Variants in LARP1 observed in about 807,000 individuals in gnomAD.
LARP1 encodes la-related protein 1.
A neutral mutation model predicts 122.7 loss-of-function variants in LARP1; 36 were observed. The observed-to-expected ratio is 0.29, with a 90% CI of 0.22 to 0.39. The LOEUF is 0.39. Among genes scored for constraint, LARP1 ranks in the 10% least tolerant of loss-of-function variants. The pLI is 1.00. For missense variants in LARP1, 1,040 were observed against 1,403.6 expected (o/e 0.74, Z 4.14); for synonymous variants, 539 against 528.7 (o/e 1.02, Z -0.27).
At chr5:154,686,695 ACTGTCCCTTT>A (rs1037093912) in intron 1 of LARP1, among the ~76,000 whole-genome samples, 2 of 152,106 alleles carry the variant, frequency 1.3e-5, no homozygotes, top group African/African-American at 2.4e-5. Context: ...TTCACTCATT[ACTGTCCCTTT>A]CTGGCTTTGG....
chr5:154,754,986 C>T (rs1753715200), upstream of LARP1, among the ~76,000 whole-genome samples: 1 of 152,178 alleles, frequency 6.6e-6, no homozygotes, highest in African/African-American at 2.4e-5. Flanking sequence ...GTCCCATGTG[C>T]TCCACCTGAG....
chr5:154,761,000 C>T (rs906316311), intron 1 of LARP1, among the ~76,000 whole-genome samples: 2 of 152,168 alleles, frequency 1.3e-5, no homozygotes, highest in African/African-American at 4.8e-5. Context: ...ATTGTGCACC[C>T]CCACCTAAGA....
At chr5:154,812,355 A>G (rs1416803673) in intron 18 of LARP1, among the ~76,000 whole-genome samples, 1 of 152,162 alleles carries the variant, frequency 6.6e-6, no homozygotes, top group African/African-American at 2.4e-5. Context: ...GAGACTGGGT[A>G]ATTTATAAAG....
chr5:154,729,447 T>C lies in LARP1; in HGVS notation c.205+16317T>C, dbSNP rs1467618844. ...TTACCTAGCATGCTATTGGCCTTGT[T>C]GTAAACAAACAAGAGCAAGATTCTT... On this transcript the variant is annotated intron_variant, in intron 1 of 18. Transcript: ENST00000336314. 4 of 390,080 alleles carry C rather than the reference T, an allele frequency of 1.0e-5. No individual in the cohort carries two copies. In the Admixed American group the frequency reaches 1.2e-4, roughly 12 times the overall value. The allele number at this position is 390,080 out of a possible 1,614,324, so 24.2% of individuals were successfully genotyped here. A position where few individuals can be genotyped will look rare whatever the true frequency, so the allele number is the denominator to read the frequency against.
rs983916839 is a variant in LARP1, at chr5:154,786,582, A to G, written c.437-3743A>G. 13 of 429,226 alleles carry G rather than the reference A, an allele frequency of 3.0e-5. No individual in the cohort carries two copies. The Admixed American group carries it at 3.1e-4, about 10-fold the overall frequency. The allele number at this position is 429,226 out of a possible 1,614,324, so 26.6% of individuals were successfully genotyped here. On this transcript the variant is annotated intron_variant, in intron 1 of 18. Transcript: ENST00000518297. ...CTGGGCCTCGGAGACCTGTGGACAG[A>G]TAAGCTGCTGGGCCCAGTCATCAGT... is the stretch of plus-strand genomic sequence containing the variant.
At position 154,695,706 on chromosome 5, in the gene LARP1, C is replaced by G. The variant is rs189130607; in HGVS notation, c.-180+12669C>G. On this transcript the variant is annotated intron_variant, in intron 1 of 18. Coordinates refer to the LARP1 transcript ENST00000687700. ...TGGCCAACATGGTGAAACCCTGTCT[C>G]TATTAAAAATACAAAAAGTAGCCAG... Among the ~76,000 whole-genome samples, 265 of 152,068 alleles carry G rather than the reference C, an allele frequency of 1.7e-3. 1 individual carries two copies. Among genetic ancestry groups the G allele is most frequent in the Middle Eastern group, 0.01 (3 of 294 alleles).
chr5:154,807,368 A>C (rs904182074), intron 15 of LARP1, among the ~76,000 whole-genome samples: 1 of 152,192 alleles, frequency 6.6e-6, no homozygotes, highest in Admixed American at 6.5e-5. Context: ...TTGCTGGGTC[A>C]TGGGGTAACC....
In LARP1 at chr5:154,814,339, G is replaced by A. The variant is rs915757734; in HGVS notation, c.*243G>A. ...TCTTGACATCCTAGCTTCTTCTAAG[G>A]GGGGAGGGAAAGGGGGGAGATTTTT... is the stretch of plus-strand genomic sequence containing the variant. On this transcript the variant is annotated 3_prime_UTR_variant, in exon 19 of 19. Coordinates refer to ENST00000518297, the MANE Select transcript of LARP1 (RefSeq NM_033551.3). 6 of 369,464 alleles carry A rather than the reference G, an allele frequency of 1.6e-5. No homozygotes were observed. The highest frequency in any genetic ancestry group is 1.0e-4 in the African/African-American group (5 of 48,540). The allele number at this position is 369,464 out of a possible 1,614,324, so 22.9% of individuals were successfully genotyped here.
At chr5:154,758,839 A>ATC in intron 1 of LARP1, among the ~76,000 whole-genome samples, 1 of 152,282 alleles carries the variant, frequency 6.6e-6, no homozygotes, top group African/African-American at 2.4e-5. Context: ...GTTTCGTGAT[A>ATC]TCTCTACTTT....
At chr5:154,776,452 G>A (rs1437074361) in intron 1 of LARP1, among the ~76,000 whole-genome samples, 1 of 152,172 alleles carries the variant, frequency 6.6e-6, no homozygotes, top group Non-Finnish European at 1.5e-5. Context: ...TCTTCTGGCT[G>A]CTGTTTGTGT....
chr5:154,763,723 C>A (rs549671977), intron 1 of LARP1, among the ~76,000 whole-genome samples: 9 of 151,702 alleles, frequency 5.9e-5, no homozygotes, highest in Non-Finnish European at 1.3e-4. Flanking sequence ...GTGTCCTGGC[C>A]GGGCACAGTG....
chr5:154,724,642 G>C (rs1015559499), intron 1 of LARP1, among the ~76,000 whole-genome samples: 4 of 151,134 alleles, frequency 2.6e-5, no homozygotes, highest in African/African-American at 9.7e-5. Context: ...TGGACTAGAA[G>C]ACTGCTCCCC....
intron 18 of LARP1, among the ~76,000 whole-genome samples, chr5:154,812,578 G>T (rs1308191111): frequency 3.7e-5 from 5 of 136,978 alleles, no homozygotes; most frequent in Admixed American, 2.6e-4. Flanking sequence ...AGAGTGCAGT[G>T]GCACGATCTT....
chr5:154,758,870 GGTTTAAGCGTCCAAGTCTTACATTTGTA>G (rs1191046278), intron 1 of LARP1, among the ~76,000 whole-genome samples: 10 of 152,148 alleles, frequency 6.6e-5, no homozygotes, highest in African/African-American at 2.4e-4. Flanking sequence ...TCTGTATTCT[GGTTTAAGCGTCCAAGTCTTACATTTGTA>G]GTTTTAAGTC....
At chr5:154,801,117 A>C (rs1324282177) in intron 10 of LARP1, among the ~76,000 whole-genome samples, 1 of 152,242 alleles carries the variant, frequency 6.6e-6, no homozygotes, top group Non-Finnish European at 1.5e-5. Context: ...CAGGGAATCT[A>C]CTTTTGAATA....
intron 10 of LARP1, 112 bp from the exon 11 acceptor site, chr5:154,801,895 A>C: frequency 2.0e-6 from 2 of 980,016 alleles, no homozygotes; most frequent in Non-Finnish European, 3.0e-6. Flanking sequence ...CCAGGGTCAT[A>C]GTTGAACAGT....
At chr5:154,725,910 G>A (rs1247211693) in intron 1 of LARP1, among the ~76,000 whole-genome samples, 4 of 151,914 alleles carry the variant, frequency 2.6e-5, no homozygotes, top group African/African-American at 4.8e-5. Context: ...GTACAATCTC[G>A]GCTCACTGCA....
intron 16 of LARP1, among the ~76,000 whole-genome samples, chr5:154,810,234 G>A (rs1759148354): frequency 6.6e-6 from 1 of 151,532 alleles, no homozygotes; most frequent in Non-Finnish European, 1.5e-5. Flanking sequence ...TCAGGAGTTT[G>A]GGACCAGCCT....
At chr5:154,762,531 C>CT (rs202155695) in intron 1 of LARP1, among the ~76,000 whole-genome samples, 3,791 of 152,050 alleles carry the variant, frequency 0.025, 153 homozygotes, top group African/African-American at 0.087. Flanking sequence ...AGTGTGGCAC[C>CT]TTTTTTTTCT....
Sources: allele counts gnomAD v4.1 joint callset (sites outside exome capture counted in the v4.1 genomes callset), GRCh38; gene constraint gnomAD v4.1.1; transcripts MANE v1.5; gene names NCBI Gene and HGNC (gene_info 2026-07-23, HGNC 2026-07-21).